Variants in DPYD observed in about 807,000 individuals in gnomAD.
DPYD encodes dihydropyrimidine dehydrogenase.
Under a neutral mutation model 116.2 loss-of-function variants are expected in DPYD, and 109 were observed. The ratio of observed to expected loss-of-function variants is 0.94; its 90% CI spans 0.80 to 1.10. The LOEUF is 1.10. DPYD is among the 50% of genes least tolerant of loss of function. DPYD has a pLI of 0.00. For synonymous variants in DPYD, 440 were observed against 432.0 expected (o/e 1.02, Z -0.23); for missense variants, 1,302 against 1,254.5 (o/e 1.04, Z -0.57).
intron 12 of DPYD, among the ~76,000 whole-genome samples, chr1:97,530,408 G>A (rs1039419312): frequency 7.3e-5 from 11 of 151,548 alleles, no homozygotes; most frequent in African/African-American, 2.7e-4. Flanking sequence ...TAGTAGAGAC[G>A]GGTTTTCACC....
chr1:97,696,989 C>A (rs61789259), intron 6 of DPYD, among the ~76,000 whole-genome samples: 12,140 of 152,016 alleles, frequency 0.08, 623 homozygotes, highest in Middle Eastern at 0.11. Context: ...CTAACAATAA[C>A]ATCATAATCC....
At chr1:97,549,241 T>A (rs1651134292) in intron 12 of DPYD, among the ~76,000 whole-genome samples, 1 of 152,030 alleles carries the variant, frequency 6.6e-6, no homozygotes, top group African/African-American at 2.4e-5. Context: ...TAATTTTTTA[T>A]TTTTTGTAGA....
At chr1:97,227,724 T>C (rs559020123) in intron 19 of DPYD, among the ~76,000 whole-genome samples, 2 of 151,702 alleles carry the variant, frequency 1.3e-5, no homozygotes, top group South Asian at 4.2e-4. Flanking sequence ...AGTGCATTTA[T>C]AATATGGGAT....
intron 11 of DPYD, among the ~76,000 whole-genome samples, chr1:97,571,286 G>A (rs946032636): frequency 6.6e-6 from 1 of 151,920 alleles, no homozygotes; most frequent in African/African-American, 2.4e-5. Context: ...CTCTAGTTTT[G>A]TTTCCAAGTC....
intron 3 of DPYD, among the ~76,000 whole-genome samples, chr1:97,756,977 AC>A (rs1170185384): frequency 6.6e-6 from 1 of 151,316 alleles, no homozygotes; most frequent in Non-Finnish European, 1.5e-5. Flanking sequence ...TTCCTCAACT[AC>A]CCCCCACTCC....
In DPYD at chr1:97,393,119, TTAGC is replaced by T. The variant is rs376682926; in HGVS notation, c.1906-10662_1906-10659del. Among the ~76,000 whole-genome samples the T allele has an allele frequency of 1.6e-4, 24 of 152,170 alleles. 1 individual carries two copies. In the East Asian group the frequency reaches 4.1e-3, roughly 26 times the overall value. ...AAAACTCTTCCTTTGCATTCACACTTTAGCTAACTATTTGGAACAAGAGGTCTAG... is the reference window on the plus strand; with the variant it reads ...AAAACTCTTCCTTTGCATTCACACTTTAACTATTTGGAACAAGAGGTCTAG... On this transcript the variant is annotated intron_variant, in intron 14 of 22. Transcript: ENST00000370192.
At chr1:97,762,322 G>A (rs537760102) in intron 3 of DPYD, among the ~76,000 whole-genome samples, 6 of 152,166 alleles carry the variant, frequency 3.9e-5, no homozygotes, top group East Asian at 1.9e-4. Context: ...CTTTATATCC[G>A]AGGATAAGAA....
At chr1:97,658,655 C>G (rs1473988894) in intron 8 of DPYD, among the ~76,000 whole-genome samples, 1 of 152,158 alleles carries the variant, frequency 6.6e-6, no homozygotes, top group Non-Finnish European at 1.5e-5. Context: ...ACTGTATAAC[C>G]TCTGTCCAGC....
At chr1:97,348,655 C>A (rs530924005) in intron 16 of DPYD, among the ~76,000 whole-genome samples, 1 of 152,268 alleles carries the variant, frequency 6.6e-6, no homozygotes, top group African/African-American at 2.4e-5. Flanking sequence ...ACAGGGCCTA[C>A]AATTTCTGTC....
At chr1:97,515,319 C>T (rs1266978472) in intron 13 of DPYD, among the ~76,000 whole-genome samples, 1 of 151,706 alleles carries the variant, frequency 6.6e-6, no homozygotes, top group Non-Finnish European at 1.5e-5. Context: ...ATCTTATCAC[C>T]AATACCAATA....
At chr1:97,313,372 C>T (rs1470074290) in intron 16 of DPYD, among the ~76,000 whole-genome samples, 1 of 151,840 alleles carries the variant, frequency 6.6e-6, no homozygotes, top group Non-Finnish European at 1.5e-5. Context: ...AATATGCTAT[C>T]CCTGTTCTTT....
At chr1:97,317,196 C>T (rs1667907695) in intron 16 of DPYD, among the ~76,000 whole-genome samples, 1 of 151,834 alleles carries the variant, frequency 6.6e-6, no homozygotes, top group Non-Finnish European at 1.5e-5. Flanking sequence ...ATCTACCATA[C>T]AAAAAGGGTG....
intron 14 of DPYD, among the ~76,000 whole-genome samples, chr1:97,391,326 C>T (rs1672694226): frequency 6.6e-6 from 1 of 151,938 alleles, no homozygotes; most frequent in South Asian, 2.1e-4. Context: ...TTAAATTTCT[C>T]CACTCTAAAT....
chr1:97,790,737 A>T (rs1364157034), intron 3 of DPYD, among the ~76,000 whole-genome samples: 1 of 152,176 alleles, frequency 6.6e-6, no homozygotes, highest in African/African-American at 2.4e-5. Flanking sequence ...GGCTCATGTT[A>T]GGTCACATAT....
At chr1:97,891,603 T>A (rs1672779943) in intron 1 of DPYD, among the ~76,000 whole-genome samples, 3 of 151,864 alleles carry the variant, frequency 2.0e-5, no homozygotes, top group African/African-American at 4.8e-5. Context: ...GAATTATACA[T>A]CTAAAGAGAG....
At chr1:97,712,188 C>T (rs1185297385) in intron 5 of DPYD, among the ~76,000 whole-genome samples, 1 of 151,996 alleles carries the variant, frequency 6.6e-6, no homozygotes, top group African/African-American at 2.4e-5. Flanking sequence ...TTAGGAGCTC[C>T]CCTTACATGT....
chr1:97,085,849 T>C (rs185682904), intron 21 of DPYD, among the ~76,000 whole-genome samples: 127 of 152,322 alleles, frequency 8.3e-4, no homozygotes, highest in South Asian at 3.7e-3. Flanking sequence ...CAGTATGGTG[T>C]AGCCATCCCT....
chr1:97,130,558 G>A (rs1164394781), intron 20 of DPYD, among the ~76,000 whole-genome samples: 1 of 151,988 alleles, frequency 6.6e-6, no homozygotes, highest in African/African-American at 2.4e-5. Context: ...TTTAGCTTAT[G>A]ACTTACATAC....
chr1:97,169,577 T>A (rs1656577615), intron 20 of DPYD, among the ~76,000 whole-genome samples: 1 of 140,992 alleles, frequency 7.1e-6, no homozygotes, highest in African/African-American at 2.9e-5. Flanking sequence ...GGAGTTTTGC[T>A]CTTGTTGCCC....
Sources: gnomAD v4.1 joint callset for allele counts (sites outside exome capture counted in the v4.1 genomes callset) on GRCh38, gnomAD v4.1.1 for gene constraint, MANE v1.5 for transcripts, NCBI Gene and HGNC (gene_info 2026-07-23, HGNC 2026-07-21) for gene names.